The following UBP1 variants were observed in gnomAD, a reference collection of about 807,000 sequenced individuals.
UBP1 encodes the protein upstream binding protein 1.
Under a neutral mutation model 76.1 loss-of-function variants are expected in UBP1, and 22 were observed. The observed-to-expected ratio is 0.29, with a 90% confidence interval of 0.21 to 0.41. The LOEUF (loss-of-function observed/expected upper bound fraction) is 0.41, where lower values mean the gene tolerates loss of function less well. UBP1 is among the 10% of genes least tolerant of loss of function. The probability of loss-of-function intolerance (pLI) is 1.00; values close to 1 mark genes in which losing one functional copy is unlikely to be tolerated. For synonymous variants in UBP1, 224 were observed against 237.1 expected, an observed-to-expected ratio of 0.94 and a Z score of 0.51; for missense variants, 436 against 668.1, an observed-to-expected ratio of 0.65 and a Z score of 3.83.
At chr3:33,425,996 A>AAAATATATATATATATAT (rs2045005339) in intron 1 of UBP1, among the ~76,000 whole-genome samples, 1 of 55,136 alleles carries the variant, frequency 1.8e-5, no homozygotes, top group African/African-American at 8.6e-5. Context: ...GGCAGCTCTG[A>AAAATATATATATATATAT]ATATATATAT....
At chr3:33,421,489 C>T (rs1010429657) in intron 2 of UBP1, among the ~76,000 whole-genome samples, 1 of 152,130 alleles carries the variant, frequency 6.6e-6, no homozygotes, top group Non-Finnish European at 1.5e-5. Flanking sequence ...AGGCTGGTCT[C>T]GAACTCTTAA....
chr3:33,423,045 GTTTTT>G (rs11337499), intron 2 of UBP1, among the ~76,000 whole-genome samples: 4 of 144,812 alleles, frequency 2.8e-5, no homozygotes, highest in African/African-American at 1.0e-4. Flanking sequence ...AAAAAAGTTT[GTTTTT>G]TTTTTTTTTG....
chr3:33,426,893 T>C (rs2045027095), intron 1 of UBP1, among the ~76,000 whole-genome samples: 1 of 152,250 alleles, frequency 6.6e-6, no homozygotes, highest in Non-Finnish European at 1.5e-5. Context: ...TTCTATGTTT[T>C]TGTGTAGATA....
intron 11 of UBP1, among the ~76,000 whole-genome samples, chr3:33,399,766 G>A (rs751934000): frequency 1.7e-4 from 26 of 152,130 alleles, no homozygotes; most frequent in Non-Finnish European, 2.5e-4. Context: ...CATAACATAC[G>A]TTGTGCCAAT....
intron 13 of UBP1, among the ~76,000 whole-genome samples, chr3:33,394,463 A>C (rs536120629): frequency 2.5e-4 from 38 of 152,204 alleles, no homozygotes; most frequent in African/African-American, 8.7e-4. Context: ...ACTATATGAA[A>C]AGCTAATATA....
At chr3:33,422,334 A>G (rs1275814933) in intron 2 of UBP1, among the ~76,000 whole-genome samples, 1 of 152,094 alleles carries the variant, frequency 6.6e-6, no homozygotes, top group Non-Finnish European at 1.5e-5. Flanking sequence ...TGAGCCCAGG[A>G]GTACAAAAAC....
At chr3:33,399,749 T>A (rs1288401543) in intron 11 of UBP1, among the ~76,000 whole-genome samples, 1 of 152,170 alleles carries the variant, frequency 6.6e-6, no homozygotes, top group Admixed American at 6.5e-5. Flanking sequence ...GTTACAAATA[T>A]CTATACCATA....
chr3:33,435,020 A>G (rs1287322830), intron 1 of UBP1, among the ~76,000 whole-genome samples: 2 of 152,198 alleles, frequency 1.3e-5, no homozygotes, highest in Admixed American at 6.5e-5. Flanking sequence ...TAAAAAACAA[A>G]ATGTGACAGA....
chr3:33,403,106 A>G, intron 8 of UBP1: 2 of 522,234 alleles, frequency 3.8e-6, no homozygotes, highest in Admixed American at 3.3e-5. Flanking sequence ...CTAGACACTG[A>G]TTAATCTTAG....
rs560644597 is a variant in UBP1, at chr3:33,413,472, G to A, written c.343-645C>T. 3.0e-4 allele frequency among the ~76,000 whole-genome samples: 46 copies of A among 151,334 alleles called. 1 individual carries two copies. The South Asian group carries it at 8.2e-3, about 27-fold the overall frequency. Reference sequence around the variant, plus strand: ...TGAGGCAGAAGAATGGTGTGAACCCGGGAGGCAGAGCTTGCAGTGAGCCAA... The same window carrying A: ...TGAGGCAGAAGAATGGTGTGAACCCAGGAGGCAGAGCTTGCAGTGAGCCAA... On this transcript the variant is annotated intron_variant, in intron 3 of 15. Transcript: ENST00000283629.
At chr3:33,413,856 C>T (rs1324612581) in intron 3 of UBP1, among the ~76,000 whole-genome samples, 2 of 152,166 alleles carry the variant, frequency 1.3e-5, no homozygotes, top group African/African-American at 4.8e-5. Flanking sequence ...GCAAAGCTCT[C>T]ATAGTGATGG....
intron 1 of UBP1, among the ~76,000 whole-genome samples, chr3:33,435,946 T>C (rs938715500): frequency 1.1e-4 from 16 of 152,204 alleles, no homozygotes; most frequent in Admixed American, 7.2e-4. Context: ...TTGGAGATCA[T>C]CTGTACTTCC....
At chr3:33,436,163 T>C (rs907520474) in intron 1 of UBP1, among the ~76,000 whole-genome samples, 1 of 152,230 alleles carries the variant, frequency 6.6e-6, no homozygotes, top group Admixed American at 6.5e-5. Context: ...ATAGTGTACA[T>C]TACCATGTGC....
At chr3:33,432,972 G>C (rs1036774455) in intron 1 of UBP1, among the ~76,000 whole-genome samples, 1 of 152,048 alleles carries the variant, frequency 6.6e-6, no homozygotes, top group Non-Finnish European at 1.5e-5. Flanking sequence ...TAAGTTAAAA[G>C]TTCAACTATG....
intron 15 of UBP1, chr3:33,391,498 A>C: frequency 6.6e-6 from 1 of 152,184 alleles, no homozygotes. Flanking sequence ...TCTCAAGCCC[A>C]GGCCTCTTCT....
At chr3:33,396,021 T>C (rs1004071522) in intron 13 of UBP1, 141 bp downstream of exon 13, 2 of 637,318 alleles carry the variant, frequency 3.1e-6, no homozygotes, top group Non-Finnish European at 5.1e-6. Context: ...CTGCCACCTC[T>C]CATTGCTGTC....
chr3:33,424,946 G>A (rs865788468), intron 2 of UBP1, among the ~76,000 whole-genome samples: 54 of 152,288 alleles, frequency 3.5e-4, no homozygotes, highest in Middle Eastern at 6.8e-3. Flanking sequence ...TTGGGAGGCT[G>A]AGGCACGAGA....
rs201172888 is a variant in UBP1 at position 33,439,765 on chromosome 3, C to G, written c.84G>C (p.Gln28His). The G allele has an allele frequency of 3.1e-6, 5 of 1,612,858 alleles. No homozygotes were observed. Among genetic ancestry groups the G allele is most frequent in the African/African-American group, 1.3e-5 (1 of 75,024 alleles). ...TGCTGTAAGCGCCGGCGCCCAGTTC[C>G]TGCCCGATGCCCGAGAGGCTGGCGT... ...DFDASLSGIG[Q>H]ELGAGAYSMS... Residue 28 changes from glutamine (Q) to histidine (H), a missense_variant, in exon 1 of 16, where the codon CAG becomes CAC. Around this residue, in one of 3 missense-constraint regions of UBP1, gnomAD observed 161 missense variants for 237.9 expected, o/e 0.68. Coordinates refer to ENST00000283629, the MANE Select transcript of UBP1 (RefSeq NM_014517.5).
At chr3:33,437,330 C>T (rs1295695056) in intron 1 of UBP1, among the ~76,000 whole-genome samples, 1 of 152,126 alleles carries the variant, frequency 6.6e-6, no homozygotes, top group African/African-American at 2.4e-5. Context: ...CAGGTGCAAT[C>T]ATAGCACACA....
Sources: allele counts gnomAD v4.1 joint callset (sites outside exome capture counted in the v4.1 genomes callset), GRCh38; gene constraint gnomAD v4.1.1; regional missense constraint gnomAD v4.1.1; transcripts MANE v1.5; gene names NCBI Gene and HGNC (gene_info 2026-07-23, HGNC 2026-07-21).